DLG2: variants seen among roughly 807,000 people sequenced by gnomAD.
DLG2 encodes the protein discs large MAGUK scaffold protein 2, also known as disks large homolog 2.
In DLG2, 45 loss-of-function variants were observed where a neutral mutation model predicts 132.5. That is an observed-to-expected ratio of 0.34 (90% CI 0.27 to 0.44). The LOEUF is 0.44. DLG2 is among the 20% of genes least tolerant of loss of function. The pLI, the probability that DLG2 is intolerant of heterozygous loss-of-function variation, is 1.00. For missense variants in DLG2, 1,045 were observed against 1,196.9 expected (o/e 0.87, Z 1.87); for synonymous variants, 424 against 419.6 (o/e 1.01, Z -0.13).
At chr11:85,157,249 T>C (rs1027041637) in intron 4 of DLG2, among the ~76,000 whole-genome samples, 1 of 152,102 alleles carries the variant, frequency 6.6e-6, no homozygotes, top group Admixed American at 6.6e-5. Flanking sequence ...CTTGTGATCA[T>C]ATCAGTTAAT....
intron 6 of DLG2, among the ~76,000 whole-genome samples, chr11:85,082,322 G>T (rs1478261906): frequency 6.6e-6 from 1 of 152,006 alleles, no homozygotes; most frequent in African/African-American, 2.4e-5. Flanking sequence ...CTGGAGGAGG[G>T]AAAGAAAAAA....
At chr11:85,045,476 C>A (rs1186657992) in intron 6 of DLG2, among the ~76,000 whole-genome samples, 5 of 152,054 alleles carry the variant, frequency 3.3e-5, no homozygotes, top group African/African-American at 1.2e-4. Flanking sequence ...GTGATTCTTC[C>A]TTTCTGTTTT....
intron 19 of DLG2, among the ~76,000 whole-genome samples, chr11:83,552,075 C>T (rs1021799196): frequency 6.6e-6 from 1 of 152,120 alleles, no homozygotes; most frequent in African/African-American, 2.4e-5. Flanking sequence ...GATAAAAATT[C>T]CTGCCTTCAT....
intron 6 of DLG2, among the ~76,000 whole-genome samples, chr11:85,038,735 T>C (rs1593085987): frequency 6.6e-6 from 1 of 152,176 alleles, no homozygotes; most frequent in East Asian, 1.9e-4. Flanking sequence ...AGAATTTCTA[T>C]AAAGTGGCCA....
intron 11 of DLG2, among the ~76,000 whole-genome samples, chr11:84,054,566 T>G (rs2096463865): frequency 6.6e-6 from 1 of 152,048 alleles, no homozygotes; most frequent in South Asian, 2.1e-4. Context: ...TAAGTCAGAA[T>G]GAGTATTACC....
rs137902007 is a variant in DLG2, at chr11:83,563,413, A to G, written c.1941-21555T>C. Among the ~76,000 whole-genome samples, 1,414 of 152,292 alleles carry G rather than the reference A, an allele frequency of 9.3e-3. 11 individuals carry two copies. The highest frequency in any genetic ancestry group is 0.016 in the Non-Finnish European group (1,079 of 68,018). ...TGGGATGGTTCTGACATGGTTTCTTAATAAAGAAAAGTCATTGGAAGTGTT... is the reference window on the plus strand; with the variant it reads ...TGGGATGGTTCTGACATGGTTTCTTGATAAAGAAAAGTCATTGGAAGTGTT... On this transcript the variant is annotated intron_variant, in intron 19 of 27. Coordinates refer to ENST00000376104, the MANE Select transcript of DLG2 (RefSeq NM_001142699.3).
intron 6 of DLG2, among the ~76,000 whole-genome samples, chr11:84,604,962 T>C (rs1426773703): frequency 6.6e-6 from 1 of 151,978 alleles, no homozygotes; most frequent in African/African-American, 2.4e-5. Flanking sequence ...TTCTTCTTGA[T>C]AGTTTTTACC....
chr11:84,667,491 G>GTTTTTTTTTTTTTTTTTTTTTTTTTT (rs1275372814), intron 6 of DLG2, among the ~76,000 whole-genome samples: 1 of 35,302 alleles, frequency 2.8e-5, no homozygotes, highest in Non-Finnish European at 4.9e-5. Flanking sequence ...TTTGTTTTTT[G>GTTTTTTTTTTTTTTTTTTTTTTTTTT]TTTTTTGTTT....
At chr11:84,011,479 A>T (rs766190437) in intron 11 of DLG2, among the ~76,000 whole-genome samples, 2 of 151,764 alleles carry the variant, frequency 1.3e-5, no homozygotes, top group Admixed American at 6.6e-5. Flanking sequence ...TCTAATAAAT[A>T]AATAAATAAA....
chr11:84,061,839 C>T (rs1256033767), intron 10 of DLG2, among the ~76,000 whole-genome samples: 2 of 79,426 alleles, frequency 2.5e-5, no homozygotes, highest in Admixed American at 1.6e-4. Flanking sequence ...CATACATTTC[C>T]TCTCTGATTG....
chr11:83,906,051 CTG>C (rs1385506343), intron 15 of DLG2, among the ~76,000 whole-genome samples: 29 of 118,032 alleles, frequency 2.5e-4, no homozygotes, highest in Non-Finnish European at 3.7e-4. Flanking sequence ...GTCTGTCTGT[CTG>C]TCTCTCTCTC....
chr11:83,954,423 G>C (rs556446641), intron 14 of DLG2, among the ~76,000 whole-genome samples: 1 of 152,120 alleles, frequency 6.6e-6, no homozygotes, highest in East Asian at 1.9e-4. Context: ...TCTCCTTGAG[G>C]CTTCCACATA....
chr11:84,045,660 T>G (rs1223295690), intron 11 of DLG2, among the ~76,000 whole-genome samples: 1 of 151,708 alleles, frequency 6.6e-6, no homozygotes, highest in East Asian at 1.9e-4. Context: ...CAAAGGGATC[T>G]GTATATCCAA....
rs371585198 is a variant in DLG2 at position 85,062,540 on chromosome 11, TG to T, written c.357+49120del. Among the ~76,000 whole-genome samples, 346 of 148,034 alleles carry T rather than the reference TG, an allele frequency of 2.3e-3. 1 individual carries two copies. The highest frequency in any genetic ancestry group is 3.2e-3 in the Non-Finnish European group (214 of 66,836). On this transcript the variant is annotated intron_variant, in intron 6 of 27. Transcript: ENST00000376104. ...TAAGATAGGTAGTATCACAGACAAATGAAAAAAAAAAACTGACAGGAAAGAT... is the reference window on the plus strand; with the variant it reads ...TAAGATAGGTAGTATCACAGACAAATAAAAAAAAAAACTGACAGGAAAGAT...
At chr11:85,402,506 T>C (rs1201482441) in intron 3 of DLG2, among the ~76,000 whole-genome samples, 2 of 152,026 alleles carry the variant, frequency 1.3e-5, no homozygotes, top group Admixed American at 1.3e-4. Flanking sequence ...CTAATTAAAC[T>C]AAAGAGCTTC....
At chr11:83,532,867 C>T (rs2095790936) in intron 20 of DLG2, 84 bp from the exon 21 acceptor site, 12 of 1,144,240 alleles carry the variant, frequency 1.0e-5, no homozygotes, top group Admixed American at 6.2e-5. Flanking sequence ...ACATTTTTTC[C>T]TCCTATCCTT....
chr11:85,351,634 G>T (rs2083295914), intron 3 of DLG2, among the ~76,000 whole-genome samples: 1 of 152,118 alleles, frequency 6.6e-6, no homozygotes, highest in Non-Finnish European at 1.5e-5. Context: ...ATTGAATTTT[G>T]TCGAAGGCCT....
intron 6 of DLG2, among the ~76,000 whole-genome samples, chr11:84,688,144 CATT>C (rs2099739711): frequency 6.6e-6 from 1 of 152,136 alleles, no homozygotes; most frequent in Non-Finnish European, 1.5e-5. Context: ...GAACATGAAA[CATT>C]ATAAAGCATA....
At chr11:83,872,337 G>T (rs150457046) in intron 16 of DLG2, among the ~76,000 whole-genome samples, 1 of 152,076 alleles carries the variant, frequency 6.6e-6, no homozygotes, top group Non-Finnish European at 1.5e-5. Context: ...GGTGAAGGTC[G>T]CTGATCAACA....
Sources: gnomAD v4.1 joint callset for allele counts (sites outside exome capture counted in the v4.1 genomes callset) on GRCh38, gnomAD v4.1.1 for gene constraint, MANE v1.5 for transcripts, NCBI Gene and HGNC (gene_info 2026-07-23, HGNC 2026-07-21) for gene names.